Variants in EYA1 observed in about 807,000 individuals in gnomAD.
EYA1 encodes protein phosphatase EYA1.
In EYA1, 16 loss-of-function variants were observed where a neutral mutation model predicts 82.0. The observed-to-expected ratio is 0.20, with a 90% CI of 0.13 to 0.30. The LOEUF (loss-of-function observed/expected upper bound fraction) is 0.30. Ranked by LOEUF, EYA1 falls within the 10% of genes least tolerant of loss-of-function variation. EYA1 has a pLI of 1.00. For synonymous variants in EYA1, 261 were observed against 264.4 expected, an observed-to-expected ratio of 0.99 and a Z score of 0.12; for missense variants, 633 against 730.7, an observed-to-expected ratio of 0.87 and a Z score of 1.54.
At chr8:71,344,997 T>C (rs1040034889) in intron 3 of EYA1, among the ~76,000 whole-genome samples, 1 of 152,208 alleles carries the variant, frequency 6.6e-6, no homozygotes, top group Non-Finnish European at 1.5e-5. Flanking sequence ...GTACCTCAAG[T>C]ACTCCAAATA....
At chr8:71,510,154 A>G (rs13438880) in intron 2 of EYA1, among the ~76,000 whole-genome samples, 24 of 152,292 alleles carry the variant, frequency 1.6e-4, no homozygotes, top group African/African-American at 5.5e-4. Context: ...GAGGCTTTAA[A>G]TGTACTCATT....
At chr8:71,425,458 C>G (rs779002087) in intron 2 of EYA1, among the ~76,000 whole-genome samples, 2 of 152,000 alleles carry the variant, frequency 1.3e-5, no homozygotes, top group Non-Finnish European at 2.9e-5. Context: ...TTTAACCAAG[C>G]CTATGAAATT....
intron 2 of EYA1, among the ~76,000 whole-genome samples, chr8:71,383,262 TA>T (rs576014264): frequency 3.4e-4 from 52 of 152,196 alleles, no homozygotes; most frequent in Non-Finnish European, 7.1e-4. Flanking sequence ...TGTTAGAGTG[TA>T]AAAAGGTATA....
At chr8:71,229,349 T>G (rs1236669635) in intron 12 of EYA1, among the ~76,000 whole-genome samples, 1 of 152,216 alleles carries the variant, frequency 6.6e-6, no homozygotes, top group Non-Finnish European at 1.5e-5. Context: ...TTGTGTCATG[T>G]GTATTTCACG....
At chr8:71,398,173 TC>T (rs1303717291) in intron 2 of EYA1, among the ~76,000 whole-genome samples, 2 of 152,184 alleles carry the variant, frequency 1.3e-5, no homozygotes, top group African/African-American at 4.8e-5. Context: ...CACTGTTTAT[TC>T]TAGTTAGCCA....
chr8:71,348,122 T>C (rs940903742), intron 3 of EYA1, among the ~76,000 whole-genome samples: 7 of 152,172 alleles, frequency 4.6e-5, no homozygotes, highest in African/African-American at 1.7e-4. Flanking sequence ...GTAACATGTA[T>C]GTATTTTTTT....
At chr8:71,238,801 C>T (rs1286888126) in intron 12 of EYA1, among the ~76,000 whole-genome samples, 2 of 151,964 alleles carry the variant, frequency 1.3e-5, no homozygotes, top group African/African-American at 4.8e-5. Context: ...TCTTATTGTA[C>T]TGTCCAAAAT....
At chr8:71,328,993 G>A (rs1205330313) in intron 4 of EYA1, among the ~76,000 whole-genome samples, 1 of 152,134 alleles carries the variant, frequency 6.6e-6, no homozygotes, top group Admixed American at 6.6e-5. Context: ...CATCAGGACT[G>A]CAACTGAATA....
intron 2 of EYA1, among the ~76,000 whole-genome samples, chr8:71,498,075 T>C (rs1401211636): frequency 1.3e-5 from 2 of 151,992 alleles, no homozygotes; most frequent in African/African-American, 4.8e-5. Flanking sequence ...GCTGGGGGGA[T>C]GTTAATGAAA....
chr8:71,420,475 A>T (rs899927050), intron 2 of EYA1, among the ~76,000 whole-genome samples: 10 of 152,304 alleles, frequency 6.6e-5, no homozygotes, highest in South Asian at 4.1e-4. Flanking sequence ...AGCTTTTTTT[A>T]AAAAAATTAA....
intron 2 of EYA1, among the ~76,000 whole-genome samples, chr8:71,475,118 C>T (rs759206859): frequency 9.2e-5 from 14 of 151,872 alleles, no homozygotes; most frequent in South Asian, 2.1e-4. Flanking sequence ...GCAATAAGAG[C>T]GAAACTCCAT....
At chr8:71,247,450 A>C (rs1813242988) in intron 11 of EYA1, among the ~76,000 whole-genome samples, 1 of 152,186 alleles carries the variant, frequency 6.6e-6, no homozygotes, top group African/African-American at 2.4e-5. Flanking sequence ...AGAGGAAATA[A>C]AGATGCAGAG....
chr8:71,460,518 G>C (rs1021016895), intron 2 of EYA1, among the ~76,000 whole-genome samples: 1 of 152,174 alleles, frequency 6.6e-6, no homozygotes, highest in Admixed American at 6.5e-5. Flanking sequence ...GGGCCAGGAG[G>C]AGGCACTTCA....
At chr8:71,219,757 C>T (rs576627247) in intron 12 of EYA1, among the ~76,000 whole-genome samples, 36 of 152,204 alleles carry the variant, frequency 2.4e-4, no homozygotes, top group Admixed American at 1.1e-3. Flanking sequence ...ATGTGTTAAC[C>T]TGTTGTAAGT....
intron 11 of EYA1, among the ~76,000 whole-genome samples, chr8:71,267,561 T>G (rs1301446427): frequency 1.3e-5 from 2 of 152,162 alleles, no homozygotes; most frequent in Non-Finnish European, 1.5e-5. Flanking sequence ...AACTTTTGTT[T>G]TTTTTGAGAT....
chr8:71,401,019 G>T (rs556767055), intron 2 of EYA1, among the ~76,000 whole-genome samples: 1 of 152,016 alleles, frequency 6.6e-6, no homozygotes, highest in East Asian at 1.9e-4. Context: ...CATTATCCTC[G>T]GCAAACTAAC....
At chr8:71,489,839 C>A (rs1295848942) in intron 2 of EYA1, among the ~76,000 whole-genome samples, 1 of 152,246 alleles carries the variant, frequency 6.6e-6, no homozygotes, top group East Asian at 1.9e-4. Context: ...CACATCATAG[C>A]TGCTGCTGAT....
intron 11 of EYA1, among the ~76,000 whole-genome samples, chr8:71,259,493 CT>C (rs1411735503): frequency 1.3e-5 from 2 of 152,138 alleles, no homozygotes; most frequent in African/African-American, 4.8e-5. Context: ...ACAATTCAGC[CT>C]GCTGGAGAAA....
intron 2 of EYA1, among the ~76,000 whole-genome samples, chr8:71,408,254 G>T (rs1005892446): frequency 1.2e-4 from 18 of 152,210 alleles, no homozygotes; most frequent in Admixed American, 2.6e-4. Flanking sequence ...ACTGGTACCA[G>T]CCGCTGCAAA....
Sources: allele counts gnomAD v4.1 joint callset (sites outside exome capture counted in the v4.1 genomes callset), GRCh38; gene constraint gnomAD v4.1.1; transcripts MANE v1.5; gene names NCBI Gene and HGNC (gene_info 2026-07-23, HGNC 2026-07-21).